LARP4B: variants seen among roughly 807,000 people sequenced by gnomAD.
The protein encoded by LARP4B is la-related protein 4B.
Under a neutral mutation model 89.8 loss-of-function variants are expected in LARP4B, and 12 were observed. The ratio of observed to expected loss-of-function variants is 0.13; its 90% CI spans 0.09 to 0.22. The LOEUF (loss-of-function observed/expected upper bound fraction) is 0.22. LARP4B is among the 10% of genes least tolerant of loss of function. The pLI is 1.00. For synonymous variants in LARP4B, 367 were observed against 363.3 expected, an observed-to-expected ratio of 1.01 and a Z score of -0.12; for missense variants, 757 against 947.7, an observed-to-expected ratio of 0.80 and a Z score of 2.64.
chr10:913,061 C>A (rs1836715569), intron 1 of LARP4B, among the ~76,000 whole-genome samples: 1 of 145,844 alleles, frequency 6.9e-6, no homozygotes, highest in Non-Finnish European at 1.6e-5. Context: ...CAATTCCTGA[C>A]TATCCCTTTT....
At chr10:879,507 A>AT (rs78017654) in intron 3 of LARP4B, among the ~76,000 whole-genome samples, 19,759 of 152,112 alleles carry the variant, frequency 0.13, 1,634 homozygotes, top group African/African-American at 0.23. Flanking sequence ...TTTTGTTTTT[A>AT]TTTTTTTAGA....
intron 1 of LARP4B, among the ~76,000 whole-genome samples, chr10:923,821 T>C (rs772979104): frequency 3.3e-5 from 5 of 152,292 alleles, no homozygotes; most frequent in Non-Finnish European, 7.4e-5. Context: ...CTCTCTGAAA[T>C]GTGAAAACAA....
chr10:823,235 C>T (rs956947731), intron 13 of LARP4B, among the ~76,000 whole-genome samples: 3 of 152,268 alleles, frequency 2.0e-5, no homozygotes, highest in East Asian at 3.9e-4. Flanking sequence ...CCCTGCCCAC[C>T]GTGCCCATGC....
intron 5 of LARP4B, among the ~76,000 whole-genome samples, chr10:848,141 A>G (rs1284634395): frequency 6.6e-6 from 1 of 152,168 alleles, no homozygotes; most frequent in African/African-American, 2.4e-5. Context: ...TATGTCATTC[A>G]CGTGCAGAGC....
chr10:973,886 G>A, the LARP4B span, among the ~76,000 whole-genome samples: 37 of 152,268 alleles, frequency 2.4e-4, no homozygotes, highest in African/African-American at 6.7e-4. Context: ...GATTTCTGCC[G>A]TGTTTTCATG....
the LARP4B span, among the ~76,000 whole-genome samples, chr10:939,274 G>A: frequency 6.6e-6 from 1 of 152,244 alleles, no homozygotes; most frequent in African/African-American, 2.4e-5. Context: ...GGATGGCACA[G>A]GAGGGAGCAG....
intron 2 of LARP4B, among the ~76,000 whole-genome samples, chr10:884,917 A>G (rs1476338079): frequency 6.6e-6 from 1 of 152,262 alleles, no homozygotes; most frequent in Non-Finnish European, 1.5e-5. Flanking sequence ...GATTTAAAAA[A>G]TAAATGGATT....
the LARP4B span, among the ~76,000 whole-genome samples, chr10:959,811 A>C: frequency 5.5e-5 from 3 of 54,536 alleles, no homozygotes; most frequent in South Asian, 6.6e-4. Flanking sequence ...CGTCATTCCC[A>C]CCTCCTCGTC....
chr10:858,478 A>C (rs1834420930), intron 5 of LARP4B, among the ~76,000 whole-genome samples: 1 of 152,224 alleles, frequency 6.6e-6, no homozygotes, highest in Non-Finnish European at 1.5e-5. Context: ...CATTATAATA[A>C]ATTCAACAAT....
intron 1 of LARP4B, among the ~76,000 whole-genome samples, chr10:910,986 A>AT (rs1836650671): frequency 6.6e-6 from 1 of 152,166 alleles, no homozygotes; most frequent in Non-Finnish European, 1.5e-5. Flanking sequence ...ATTCCCAGCC[A>AT]TTTGTCACTT....
chr10:824,920 T>C (rs1376256510), intron 13 of LARP4B, 145 bp downstream of exon 13: 9 of 786,682 alleles, frequency 1.1e-5, no homozygotes, highest in Non-Finnish European at 1.7e-5. Flanking sequence ...ATTTAAGTCT[T>C]AGCAATTATA....
the LARP4B span, among the ~76,000 whole-genome samples, chr10:955,308 G>T: frequency 6.6e-6 from 1 of 152,222 alleles, no homozygotes; most frequent in African/African-American, 2.4e-5. This position sits in a 1 kb window ranked among gnomAD's most constrained non-coding sequence, Gnocchi z 5.2. Context: ...AGCCAGGACT[G>T]CAGCCCGTGG....
intron 5 of LARP4B, among the ~76,000 whole-genome samples, chr10:847,906 G>A (rs1833854058): frequency 6.6e-6 from 1 of 152,192 alleles, no homozygotes. Flanking sequence ...CCCAGGGAGT[G>A]GGAAGTCAGG....
intron 1 of LARP4B, among the ~76,000 whole-genome samples, chr10:923,411 C>G (rs1353792723): frequency 6.6e-6 from 1 of 152,004 alleles, no homozygotes; most frequent in Non-Finnish European, 1.5e-5. Context: ...ACTGACCCCT[C>G]CTCCAGATGG....
chr10:920,058 CAA>C (rs1836938154), intron 1 of LARP4B, among the ~76,000 whole-genome samples: 1 of 152,220 alleles, frequency 6.6e-6, no homozygotes, highest in African/African-American at 2.4e-5. Context: ...AAATCTACCT[CAA>C]AAAGTTAAAA....
chr10:849,391 C>T (rs916502626), intron 5 of LARP4B, among the ~76,000 whole-genome samples: 13 of 152,180 alleles, frequency 8.5e-5, no homozygotes, highest in Non-Finnish European at 1.9e-4. Context: ...GACCAGAACT[C>T]CTGATGGCCA....
Position 863,861 on chromosome 10 carries a change from A to G in LARP4B, c.312T>C (p.Gly104=). The G allele has an allele frequency of 6.2e-7, 1 of 1,613,194 alleles. No homozygotes were observed. The highest frequency in any genetic ancestry group is 8.5e-7 in the Non-Finnish European group (1 of 1,179,806). ...ATGCGGCATTCTCATGGCCCTGGTC[A>G]CCATCACCATTGGCATCCGATCCTA... is the stretch of plus-strand genomic sequence containing the variant. ...GPQGSDANGD[G]DQGHENAALP... Residue 104 remains glycine, a synonymous_variant, in exon 5 of 18, where the codon GGT becomes GGC. Coordinates refer to ENST00000316157, the MANE Select transcript of LARP4B (RefSeq NM_015155.3).
At chr10:806,915 A>T (rs1315873188), downstream of LARP4B, 1 of 152,486 alleles carries the variant, frequency 6.6e-6, no homozygotes, top group Admixed American at 6.5e-5. Context: ...AGCAGCAGGG[A>T]AGAGAAAGGG....
At chr10:938,361 C>T in the LARP4B span, among the ~76,000 whole-genome samples, 2 of 151,430 alleles carry the variant, frequency 1.3e-5, no homozygotes, top group Admixed American at 6.6e-5. Context: ...CGCCATTCTC[C>T]TGCCTCAGCC....
Sources: gnomAD v4.1 joint callset for allele counts (sites outside exome capture counted in the v4.1 genomes callset) on GRCh38, gnomAD v4.1.1 for gene constraint, Gnocchi (gnomAD v3.1) non-coding constraint, MANE v1.5 for transcripts, NCBI Gene and HGNC (gene_info 2026-07-23, HGNC 2026-07-21) for gene names.